GREB1L: variants seen among roughly 807,000 people sequenced by gnomAD.
The protein encoded by GREB1L is GREB1-like protein.
Under a neutral mutation model 200.8 loss-of-function variants are expected in GREB1L, and 17 were observed. The ratio of observed to expected loss-of-function variants is 0.08; its 90% CI spans 0.06 to 0.13. The LOEUF (loss-of-function observed/expected upper bound fraction) is 0.13, where lower values mean the gene tolerates loss of function less well. Among genes scored for constraint, GREB1L ranks in the 10% least tolerant of loss-of-function variants. The pLI, the probability that GREB1L is intolerant of heterozygous loss-of-function variation, is 1.00. For missense variants in GREB1L, 1,657 were observed against 2,367.7 expected (o/e 0.70, Z 6.23); for synonymous variants, 789 against 893.0 (o/e 0.88, Z 2.08).
At chr18:21,383,761 G>T (rs1408242262) in intron 3 of GREB1L, 86 bp downstream of exon 3, 1 of 1,313,038 alleles carries the variant, frequency 7.6e-7, no homozygotes, top group Non-Finnish European at 1.1e-6. Flanking sequence ...TGCCCAGGCT[G>T]GAGTGCAGTG....
At chr18:21,418,365 A>G (rs2031843128) in intron 7 of GREB1L, among the ~76,000 whole-genome samples, 1 of 152,198 alleles carries the variant, frequency 6.6e-6, no homozygotes, top group Admixed American at 6.5e-5. Flanking sequence ...TCACCTGTGC[A>G]CATCCTCCCA....
At chr18:21,305,143 T>G (rs1039781687) in intron 1 of GREB1L, among the ~76,000 whole-genome samples, 5 of 152,004 alleles carry the variant, frequency 3.3e-5, no homozygotes, top group African/African-American at 1.2e-4. Flanking sequence ...GCCCAGATAA[T>G]TTCTGTATTT....
chr18:21,401,091 C>A, intron 5 of GREB1L, 59 bp from the exon 6 acceptor site: 1 of 1,356,312 alleles, frequency 7.4e-7, no homozygotes, highest in East Asian at 2.5e-5. Flanking sequence ...CTGTTTAATA[C>A]GTAAAAGTAT....
At chr18:21,439,685 T>C in intron 8 of GREB1L, 48 bp downstream of exon 8, 1 of 1,157,826 alleles carries the variant, frequency 8.6e-7, no homozygotes, top group Non-Finnish European at 1.3e-6. Context: ...TACCAGTGGT[T>C]ACAAGTGCTC....
intron 4 of GREB1L, among the ~76,000 whole-genome samples, chr18:21,386,819 T>C (rs970370587): frequency 1.3e-5 from 2 of 152,124 alleles, no homozygotes; most frequent in African/African-American, 4.8e-5. Flanking sequence ...GCTCTTTCAA[T>C]TGAACTCATT....
At chr18:21,458,261 G>A (rs1173673687) in intron 15 of GREB1L, among the ~76,000 whole-genome samples, 9 of 151,996 alleles carry the variant, frequency 5.9e-5, no homozygotes, top group Non-Finnish European at 1.2e-4. Flanking sequence ...GTGAGCCACC[G>A]CGCCCGGCCC....
At chr18:21,460,021 G>A (rs1371715907) in intron 15 of GREB1L, among the ~76,000 whole-genome samples, 1 of 152,042 alleles carries the variant, frequency 6.6e-6, no homozygotes, top group Admixed American at 6.6e-5. Flanking sequence ...CCTAATCCTG[G>A]AATCACCCAT....
At chr18:21,475,638 G>A (rs192847491) in intron 16 of GREB1L, among the ~76,000 whole-genome samples, 178 of 152,108 alleles carry the variant, frequency 1.2e-3, no homozygotes, top group African/African-American at 4.1e-3. Flanking sequence ...TTACAGGCGT[G>A]AGCCACCATG....
chr18:21,459,795 G>A (rs2034957631), intron 15 of GREB1L, among the ~76,000 whole-genome samples: 1 of 152,168 alleles, frequency 6.6e-6, no homozygotes, highest in Non-Finnish European at 1.5e-5. Context: ...GGGAACAGGT[G>A]CCCAGGAAGA....
chr18:21,363,557 G>A (rs973033983), intron 1 of GREB1L: 1 of 152,000 alleles, frequency 6.6e-6, no homozygotes, highest in Non-Finnish European at 1.5e-5. Flanking sequence ...AGTTCCTGGA[G>A]GTGATGTTAT....
chr18:21,342,506 G>C (rs570602002), intron 1 of GREB1L, among the ~76,000 whole-genome samples: 1 of 152,146 alleles, frequency 6.6e-6, no homozygotes, highest in Non-Finnish European at 1.5e-5. Flanking sequence ...CTGCTTTAGG[G>C]TTCTCAAATC....
intron 18 of GREB1L, among the ~76,000 whole-genome samples, chr18:21,488,294 T>A (rs1209092444): frequency 1.3e-5 from 2 of 152,088 alleles, no homozygotes; most frequent in Non-Finnish European, 2.9e-5. Context: ...GGACTCTGTC[T>A]CGAAAAAAGA....
At position 21,500,180 on chromosome 18, in the gene GREB1L, G is replaced by C; in HGVS notation, c.3843G>C (p.Gln1281His). The C allele has an allele frequency of 2.6e-6, 4 of 1,550,710 alleles. No individual in the cohort carries two copies. Among genetic ancestry groups the C allele is most frequent in the Non-Finnish European group, 3.5e-6 (4 of 1,146,970 alleles). The change falls in exon 22 of 33, where the codon CAG (glutamine) becomes CAC (histidine). Residue 1281 changes from glutamine to histidine, a missense_variant. Gln to His is a conservative substitution (Grantham distance 24). Transcript: ENST00000424526. ...LLNKDMSSEE[Q>H]SLYYRQWTLA... The stretch of plus-strand genomic sequence containing the variant: ...ACAAGGACATGAGCAGTGAGGAGCA[G>C]TCCCTCTACTACAGGCAGTGGACCT...
intron 7 of GREB1L, among the ~76,000 whole-genome samples, chr18:21,406,295 A>G (rs1467513713): frequency 3.9e-5 from 6 of 152,208 alleles, no homozygotes; most frequent in Non-Finnish European, 7.3e-5. Context: ...GACACAGGCC[A>G]GGAGCAAGGG....
chr18:21,502,519 C>T (rs150876629), intron 23 of GREB1L, among the ~76,000 whole-genome samples: 131 of 152,210 alleles, frequency 8.6e-4, no homozygotes, highest in African/African-American at 1.2e-3. Flanking sequence ...AGTTTAGGGC[C>T]GAGCAAGAGT....
At chr18:21,331,684 A>G (rs2039108729) in intron 1 of GREB1L, among the ~76,000 whole-genome samples, 1 of 152,208 alleles carries the variant, frequency 6.6e-6, no homozygotes, top group Non-Finnish European at 1.5e-5. Context: ...CTGAGTTTGT[A>G]TATCAGCTTT....
chr18:21,284,253 G>A (rs1159925738), intron 1 of GREB1L, among the ~76,000 whole-genome samples: 3 of 152,130 alleles, frequency 2.0e-5, no homozygotes, highest in Non-Finnish European at 4.4e-5. Flanking sequence ...TTACAGAGTT[G>A]CACAACCATG....
chr18:21,497,598 C>T (rs1385693240), intron 21 of GREB1L, among the ~76,000 whole-genome samples: 5 of 150,406 alleles, frequency 3.3e-5, no homozygotes, highest in African/African-American at 1.2e-4. Context: ...GAGCCAAGAT[C>T]GCACCACTGC....
At chr18:21,423,018 C>T (rs1490789719) in intron 7 of GREB1L, among the ~76,000 whole-genome samples, 3 of 152,098 alleles carry the variant, frequency 2.0e-5, no homozygotes, top group Admixed American at 6.6e-5. Context: ...GCAACCTCCA[C>T]CTCCTGGGTT....
Sources: allele counts gnomAD v4.1 joint callset (sites outside exome capture counted in the v4.1 genomes callset), GRCh38; gene constraint gnomAD v4.1.1; transcripts MANE v1.5; gene names NCBI Gene and HGNC (gene_info 2026-07-23, HGNC 2026-07-21).